The following ABCB7 variants were observed in gnomAD, a reference collection of about 807,000 sequenced individuals.
ABCB7 encodes iron-sulfur clusters transporter ABCB7, mitochondrial.
A neutral mutation model predicts 54.4 loss-of-function variants in ABCB7; 7 were observed. The ratio of observed to expected loss-of-function variants is 0.13; its 90% confidence interval spans 0.07 to 0.24. ABCB7 has a LOEUF of 0.24. Ranked by LOEUF, ABCB7 falls within the 10% of genes least tolerant of loss-of-function variation. ABCB7 has a pLI of 1.00. For missense variants in ABCB7, 356 were observed against 570.4 expected (o/e 0.62, Z 3.83); for synonymous variants, 218 against 207.1 (o/e 1.05, Z -0.45).
intron 2 of ABCB7, among the ~76,000 whole-genome samples, chrX:75,113,662 T>G (rs2063583845): frequency 1.8e-5 from 2 of 111,561 alleles, no homozygotes; most frequent in Admixed American, 1.9e-4. Context: ...GATTTTTCAG[T>G]AGCTATAATA....
chrX:75,123,923 C>T (rs2081903128), intron 1 of ABCB7, among the ~76,000 whole-genome samples: 1 of 111,994 alleles, frequency 8.9e-6, no homozygotes. Flanking sequence ...TGTGGCTGTG[C>T]TCCAATAAAA....
In ABCB7 at chrX:75,053,536, T is replaced by C. The variant is rs1351840598; in HGVS notation, c.2093A>G (p.His698Arg). The C allele has an allele frequency of 3.3e-6, 4 of 1,203,802 alleles. No homozygotes were observed. Among genetic ancestry groups the C allele is most frequent in the Admixed American group, 2.2e-5 (1 of 44,947 alleles). ...GTHHGLLANP[H>R]SIYSEMWHTQ... ...ATGCCACATTTCTGAATAGATACTA[T>C]GAGGGTTAGCAAGCAAACCATGGTG... is the stretch of plus-strand genomic sequence containing the variant. The change falls in exon 16 of 16, where the codon CAT (histidine) becomes CGT (arginine). Residue 698 changes from histidine (H) to arginine (R), a missense_variant. His to Arg is a conservative substitution (Grantham distance 29). Around this residue, in one of 2 missense-constraint regions of ABCB7, gnomAD observed 241 missense variants for 470.9 expected, o/e 0.51. Coordinates refer to ENST00000373394, the MANE Select transcript of ABCB7 (RefSeq NM_001271696.3).
At chrX:75,074,478 A>T (rs767765787) in intron 6 of ABCB7, among the ~76,000 whole-genome samples, 7 of 111,995 alleles carry the variant, frequency 6.3e-5, no homozygotes, top group Non-Finnish European at 1.3e-4. Flanking sequence ...TTACCATTTG[A>T]TCCAGCAATC....
chrX:75,114,316 G>A (rs761801339), intron 2 of ABCB7, among the ~76,000 whole-genome samples: 4 of 111,600 alleles, frequency 3.6e-5, no homozygotes, highest in South Asian at 7.5e-4. Context: ...ACTTATATTA[G>A]CAATGAAAAA....
intron 1 of ABCB7, among the ~76,000 whole-genome samples, chrX:75,155,413 G>A (rs2082166409): frequency 1.8e-5 from 2 of 112,539 alleles, no homozygotes; most frequent in South Asian, 7.3e-4. Flanking sequence ...GTTCCTGAGT[G>A]AGAGGTAATA....
intron 1 of ABCB7, among the ~76,000 whole-genome samples, chrX:75,127,223 C>G (rs753991305): frequency 1.8e-5 from 2 of 111,558 alleles, no homozygotes; most frequent in Non-Finnish European, 3.8e-5. Flanking sequence ...ATCAAGTTGG[C>G]TTCACCCCTG....
chrX:75,071,245 T>TA (rs1381705350), intron 9 of ABCB7, among the ~76,000 whole-genome samples: 3 of 105,535 alleles, frequency 2.8e-5, no homozygotes, highest in African/African-American at 6.9e-5. Flanking sequence ...AGCTAGATAC[T>TA]AAAAAAAAAA....
intron 1 of ABCB7, among the ~76,000 whole-genome samples, chrX:75,148,393 G>A (rs747313395): frequency 3.0e-5 from 3 of 98,472 alleles, no homozygotes; most frequent in South Asian, 4.9e-4. Context: ...CCCAACCCCC[G>A]AGGTAACCAC....
chrX:75,077,494 A>G (rs1332619715), intron 4 of ABCB7, among the ~76,000 whole-genome samples: 1 of 112,268 alleles, frequency 8.9e-6, no homozygotes, highest in Non-Finnish European at 1.9e-5. Flanking sequence ...AGTTTGTCAG[A>G]CTCCCAAAGT....
rs571012617 is a variant in ABCB7, at chrX:75,092,367, A to G, written c.453+6575T>C. 1.2e-4 allele frequency among the ~76,000 whole-genome samples: 13 copies of G among 111,406 alleles called. No individual in the cohort carries two copies. The South Asian group carries it at 3.4e-3, about 29-fold the overall frequency. On this transcript the variant is annotated intron_variant, in intron 4 of 15. Coordinates refer to ENST00000373394, the MANE Select transcript of ABCB7 (RefSeq NM_001271696.3). ...ATAAATGATGCTGGAGCAACTGGACATGCCAATGGAAAAAAAAAGGAATCC... is the reference window on the plus strand; with the variant it reads ...ATAAATGATGCTGGAGCAACTGGACGTGCCAATGGAAAAAAAAAGGAATCC...
intron 4 of ABCB7, among the ~76,000 whole-genome samples, chrX:75,077,169 C>A (rs972221265): frequency 2.7e-5 from 3 of 111,754 alleles, no homozygotes; most frequent in African/African-American, 6.5e-5. Flanking sequence ...AATTACACAG[C>A]AAGCCAGATC....
chrX:75,067,778 C>A (rs1176145536), intron 12 of ABCB7, among the ~76,000 whole-genome samples: 2 of 111,040 alleles, frequency 1.8e-5, no homozygotes, highest in African/African-American at 6.6e-5. Flanking sequence ...AGCCACTGTG[C>A]CCAGCCTAGA....
chrX:75,122,483 G>A (rs1444037496), intron 1 of ABCB7, among the ~76,000 whole-genome samples: 2 of 112,628 alleles, frequency 1.8e-5, no homozygotes, highest in Non-Finnish European at 3.8e-5. Context: ...AATGAACATG[G>A]GCATGCAGAC....
chrX:75,082,951 T>C (rs2081467778), intron 4 of ABCB7, among the ~76,000 whole-genome samples: 1 of 111,373 alleles, frequency 9.0e-6, no homozygotes, highest in Non-Finnish European at 1.9e-5. Flanking sequence ...CATAATAAAA[T>C]GGTAGACTGA....
intron 1 of ABCB7, among the ~76,000 whole-genome samples, chrX:75,127,247 G>C (rs989908540): frequency 9.0e-6 from 1 of 111,313 alleles, no homozygotes; most frequent in Non-Finnish European, 1.9e-5. Context: ...TGCAAGGCTG[G>C]TTCAATATAC....
intron 1 of ABCB7, among the ~76,000 whole-genome samples, chrX:75,144,723 C>A (rs1466565146): frequency 2.8e-5 from 3 of 107,665 alleles, no homozygotes; most frequent in Non-Finnish European, 5.7e-5. Context: ...AAAAAGAAAC[C>A]TAAGTATAAA....
At chrX:75,122,666 T>G (rs1295276500) in intron 1 of ABCB7, among the ~76,000 whole-genome samples, 8 of 112,348 alleles carry the variant, frequency 7.1e-5, no homozygotes, top group Non-Finnish European at 1.5e-4. Context: ...TTTCACCACA[T>G]CCTCACCAAC....
intron 1 of ABCB7, among the ~76,000 whole-genome samples, chrX:75,120,119 T>C (rs1291346374): frequency 8.9e-6 from 1 of 112,205 alleles, no homozygotes; most frequent in Non-Finnish European, 1.9e-5. Flanking sequence ...AAAATGCTGC[T>C]GATCCTTTGT....
intron 1 of ABCB7, among the ~76,000 whole-genome samples, chrX:75,148,141 CAAATA>C (rs1488909619): frequency 9.3e-4 from 103 of 110,915 alleles, no homozygotes; most frequent in Non-Finnish European, 1.1e-3. Context: ...AAAAAATAAA[CAAATA>C]AAATAAAAGT....
Sources: allele counts gnomAD v4.1 joint callset (sites outside exome capture counted in the v4.1 genomes callset), GRCh38; gene constraint gnomAD v4.1.1; regional missense constraint gnomAD v4.1.1; transcripts MANE v1.5; gene names NCBI Gene and HGNC (gene_info 2026-07-23, HGNC 2026-07-21).